HMGCLL1: variants seen among roughly 807,000 people sequenced by gnomAD.
HMGCLL1 encodes 3-hydroxymethyl-3-methylglutaryl-CoA lyase, cytoplasmic.
In HMGCLL1, 36 loss-of-function variants were observed where a neutral mutation model predicts 39.1. The observed-to-expected ratio is 0.92, with a 90% CI of 0.71 to 1.22. HMGCLL1 has a LOEUF of 1.22. Among genes scored for constraint, HMGCLL1 ranks in the 50% most tolerant of loss-of-function variants. The probability of loss-of-function intolerance (pLI) is 0.00; values close to 1 mark genes in which losing one functional copy is unlikely to be tolerated. For synonymous variants in HMGCLL1, 149 were observed against 144.0 expected (o/e 1.03, Z -0.25); for missense variants, 451 against 416.5 (o/e 1.08, Z -0.72).
rs112289377 is a variant in HMGCLL1 at position 55,523,028 on chromosome 6, C to A, written c.298-6425G>T. Among the ~76,000 whole-genome samples, 519 of 152,020 alleles carry A rather than the reference C, an allele frequency of 3.4e-3. 1 individual carries two copies. Among genetic ancestry groups the A allele is most frequent in the Admixed American group, 5.6e-3 (85 of 15,208 alleles). ...TCTACAAAATTATATAACTTGACCA[C>A]CTCTCTTAGAACTAGATCTTGTAAC... On this transcript the variant is annotated intron_variant, in intron 3 of 8. Coordinates refer to ENST00000274901, the MANE Select transcript of HMGCLL1 (RefSeq NM_001042406.2).
intron 1 of HMGCLL1, chr6:55,577,169 T>C (rs1464152539): frequency 6.3e-7 from 1 of 1,576,408 alleles, no homozygotes; most frequent in Admixed American, 1.8e-5. Flanking sequence ...AAGAGAAGTC[T>C]AGGAAGATAA....
chr6:55,581,445 G>A (rs2127482365), upstream of HMGCLL1, among the ~76,000 whole-genome samples: 1 of 152,122 alleles, frequency 6.6e-6, no homozygotes, highest in African/African-American at 2.4e-5. Context: ...TGAATAAACA[G>A]GAGTTAAAAT....
At chr6:55,619,499 A>G in the HMGCLL1 span, among the ~76,000 whole-genome samples, 4 of 152,060 alleles carry the variant, frequency 2.6e-5, no homozygotes, top group Admixed American at 2.6e-4. Flanking sequence ...AGTCAATTAT[A>G]TTTATTTGGT....
chr6:55,510,768 A>G (rs374062567), intron 5 of HMGCLL1, among the ~76,000 whole-genome samples: 2 of 150,868 alleles, frequency 1.3e-5, no homozygotes, highest in Non-Finnish European at 1.5e-5. Flanking sequence ...TTGTGCACAT[A>G]TACCCTAAAA....
chr6:55,527,789 C>T (rs1046355989), intron 3 of HMGCLL1, among the ~76,000 whole-genome samples: 2 of 151,880 alleles, frequency 1.3e-5, no homozygotes, highest in African/African-American at 4.8e-5. Flanking sequence ...GGAAAAATAC[C>T]AGTTTTGGTA....
At chr6:55,657,058 T>C in the HMGCLL1 span, among the ~76,000 whole-genome samples, 2 of 152,082 alleles carry the variant, frequency 1.3e-5, no homozygotes, top group Admixed American at 6.6e-5. Flanking sequence ...TTGTTTTTTT[T>C]CTATAAATTT....
the HMGCLL1 span, among the ~76,000 whole-genome samples, chr6:55,629,288 G>A: frequency 2.5e-4 from 38 of 152,262 alleles, no homozygotes; most frequent in Non-Finnish European, 3.4e-4. Context: ...AAAGAGACTG[G>A]CAGCATTTTG....
the HMGCLL1 span, among the ~76,000 whole-genome samples, chr6:55,621,389 G>C: frequency 6.6e-6 from 1 of 152,094 alleles, no homozygotes; most frequent in Non-Finnish European, 1.5e-5. Flanking sequence ...CGGGTGGTGA[G>C]TGGTGGGTGA....
chr6:55,540,183 T>C (rs1359816626), intron 3 of HMGCLL1, among the ~76,000 whole-genome samples: 1 of 152,076 alleles, frequency 6.6e-6, no homozygotes, highest in African/African-American at 2.4e-5. Context: ...AAGGGACTAC[T>C]GTAATGATTA....
chr6:55,540,989 GA>G (rs1351259118), intron 3 of HMGCLL1, among the ~76,000 whole-genome samples: 1 of 152,102 alleles, frequency 6.6e-6, no homozygotes, highest in Non-Finnish European at 1.5e-5. Flanking sequence ...TTAGAATAGA[GA>G]ATAATGGAAA....
the HMGCLL1 span, among the ~76,000 whole-genome samples, chr6:55,587,765 C>T: frequency 6.3e-4 from 95 of 151,952 alleles, no homozygotes; most frequent in South Asian, 1.0e-3. Flanking sequence ...TAGTCTCTGA[C>T]TAAACAGAAT....
the HMGCLL1 span, among the ~76,000 whole-genome samples, chr6:55,662,683 T>G: frequency 6.6e-6 from 1 of 151,884 alleles, no homozygotes; most frequent in East Asian, 2.0e-4. Context: ...ATCAGGATGA[T>G]GATGGCCTCA....
intron 1 of HMGCLL1, among the ~76,000 whole-genome samples, chr6:55,571,296 G>C (rs750580995): frequency 1.3e-5 from 2 of 152,016 alleles, no homozygotes; most frequent in Non-Finnish European, 2.9e-5. Context: ...TAATATGCCT[G>C]GTACATGTTA....
the HMGCLL1 span, among the ~76,000 whole-genome samples, chr6:55,661,804 C>T: frequency 2.0e-5 from 3 of 151,786 alleles, no homozygotes. Context: ...TTGCTTTAGG[C>T]AGTATTGCCA....
the HMGCLL1 span, among the ~76,000 whole-genome samples, chr6:55,671,473 G>A: frequency 1.3e-5 from 2 of 151,800 alleles, no homozygotes; most frequent in Non-Finnish European, 2.9e-5. Context: ...CTTTTTACAT[G>A]AAGCGAAACT....
At position 55,541,833 on chromosome 6, in the gene HMGCLL1, T is replaced by C. The variant is rs1769455875; in HGVS notation, c.193A>G (p.Ile65Val). ...PRDGLQNEKV[I>V]VPTDIKIEFI... is the part of the protein sequence containing the mutation. ...TCAATTTTTATATCTGTAGGAACTA[T>C]AACCTATGAAAACAAAAAATATTTT... Residue 65 changes from isoleucine (I) to valine (V), a missense_variant, in exon 3 of 9, where the codon ATA (isoleucine) becomes GTA (valine). Coordinates refer to ENST00000274901, the MANE Select transcript of HMGCLL1 (RefSeq NM_001042406.2). 1 of 1,560,252 alleles carries C rather than the reference T, an allele frequency of 6.4e-7. No homozygotes were observed. Among genetic ancestry groups the C allele is most frequent in the Non-Finnish European group, 8.8e-7 (1 of 1,141,514 alleles).
rs1347564146 is a variant in HMGCLL1, at chr6:55,572,323, A to G, written c.108+6625T>C. Among the ~76,000 whole-genome samples the G allele has an allele frequency of 2.0e-5, 3 of 152,176 alleles. No individual in the cohort carries two copies. In the South Asian group the frequency reaches 6.2e-4, roughly 31 times the overall value. ...AAAAGATTTGATATACATTATGACA[A>G]TAGAGGTAAAATATTATAAAGGAAG... On this transcript the variant is annotated intron_variant, in intron 1 of 8. Transcript: ENST00000274901.
intron 7 of HMGCLL1, among the ~76,000 whole-genome samples, chr6:55,469,104 A>AT (rs1359379994): frequency 6.6e-6 from 1 of 151,496 alleles, no homozygotes; most frequent in Non-Finnish European, 1.5e-5. Flanking sequence ...ATTAGAACAA[A>AT]TATTAATGCT....
At chr6:55,474,297 A>G (rs900383548) in intron 7 of HMGCLL1, among the ~76,000 whole-genome samples, 2 of 151,544 alleles carry the variant, frequency 1.3e-5, no homozygotes, top group Non-Finnish European at 3.0e-5. Flanking sequence ...TTCTCAGACA[A>G]TCTGTTATGA....
Sources: allele counts gnomAD v4.1 joint callset (sites outside exome capture counted in the v4.1 genomes callset), GRCh38; gene constraint gnomAD v4.1.1; transcripts MANE v1.5; gene names NCBI Gene and HGNC (gene_info 2026-07-23, HGNC 2026-07-21).